Variants in FAM107A observed in about 807,000 individuals in gnomAD.
The protein encoded by FAM107A is family with sequence similarity 107 member A.
A neutral mutation model predicts 13.7 loss-of-function variants in FAM107A; 19 were observed. That is an observed-to-expected ratio of 1.38 (90% CI 0.97 to 2.03). The LOEUF (loss-of-function observed/expected upper bound fraction) is 2.03, where lower values mean the gene tolerates loss of function less well. FAM107A is among the 30% of genes most tolerant of loss of function. FAM107A has a pLI of 0.00. For missense variants in FAM107A, 203 were observed against 184.4 expected (o/e 1.10, Z -0.58); for synonymous variants, 82 against 74.5 (o/e 1.10, Z -0.52).
At chr3:58,588,128 G>A (rs1394505332), upstream of FAM107A, among the ~76,000 whole-genome samples, 9 of 152,216 alleles carry the variant, frequency 5.9e-5, no homozygotes, top group Non-Finnish European at 1.3e-4. Context: ...ACTTAGGCAG[G>A]TGAGGTGGCT....
intron 1 of FAM107A, among the ~76,000 whole-genome samples, chr3:58,598,212 T>A (rs1219446334): frequency 6.6e-6 from 1 of 152,138 alleles, no homozygotes; most frequent in East Asian, 1.9e-4. Flanking sequence ...TCCCCAGGGA[T>A]GGAGAGAATC....
upstream of FAM107A, among the ~76,000 whole-genome samples, chr3:58,579,724 C>T (rs550969770): frequency 9.9e-5 from 15 of 152,226 alleles, no homozygotes; most frequent in African/African-American, 3.4e-4. Context: ...CCTGCTCATC[C>T]CCGGAGAAGA....
intron 1 of FAM107A, among the ~76,000 whole-genome samples, chr3:58,599,917 C>G (rs907405945): frequency 6.6e-6 from 1 of 151,578 alleles, no homozygotes; most frequent in Non-Finnish European, 1.5e-5. Flanking sequence ...CTCCAGTGAT[C>G]CTCCCGCCTC....
chr3:58,609,967 T>C (rs1320320435), intron 1 of FAM107A, among the ~76,000 whole-genome samples: 1 of 152,246 alleles, frequency 6.6e-6, no homozygotes, highest in Non-Finnish European at 1.5e-5. Context: ...GCATACAGTG[T>C]GCAGGAAGTG....
At chr3:58,601,640 C>T (rs924456297) in intron 1 of FAM107A, among the ~76,000 whole-genome samples, 3 of 152,344 alleles carry the variant, frequency 2.0e-5, no homozygotes, top group South Asian at 2.1e-4. Context: ...CAAGCGCACC[C>T]ACCCAGAGGG....
chr3:58,593,929 G>A (rs768238618), intron 1 of FAM107A, among the ~76,000 whole-genome samples: 1 of 151,956 alleles, frequency 6.6e-6, no homozygotes, highest in Admixed American at 6.6e-5. Flanking sequence ...ACACTTATCC[G>A]CATCTACTTA....
chr3:58,601,819 C>T (rs2065754975), intron 1 of FAM107A, among the ~76,000 whole-genome samples: 1 of 152,146 alleles, frequency 6.6e-6, no homozygotes, highest in African/African-American at 2.4e-5. Flanking sequence ...TAATAATCAC[C>T]CCGGAATGTA....
chr3:58,577,582 C>CG, upstream of FAM107A: 1 of 985,418 alleles, frequency 1.0e-6, no homozygotes. This position sits in a 1 kb window ranked among gnomAD's most constrained non-coding sequence, Gnocchi z 4.9. Context: ...CCAAGCCACA[C>CG]GCTTGAGAGG....
upstream of FAM107A, among the ~76,000 whole-genome samples, chr3:58,581,706 A>G (rs2065544736): frequency 6.6e-6 from 1 of 152,206 alleles, no homozygotes; most frequent in Non-Finnish European, 1.5e-5. Context: ...AGAGATTATA[A>G]AAGGAATGAG....
chr3:58,616,301 C>G (rs1264109962), intron 1 of FAM107A, among the ~76,000 whole-genome samples: 22 of 152,056 alleles, frequency 1.4e-4, no homozygotes, highest in Non-Finnish European at 8.8e-5. Context: ...TGTAGAACTT[C>G]AGGTGCCCGA....
At chr3:58,621,203 G>A (rs949319824) in intron 1 of FAM107A, among the ~76,000 whole-genome samples, 2 of 152,114 alleles carry the variant, frequency 1.3e-5, no homozygotes, top group African/African-American at 2.4e-5. Context: ...AAATTTTAGC[G>A]CTTGGGAAAC....
upstream of FAM107A, among the ~76,000 whole-genome samples, chr3:58,591,553 C>T (rs1423065559): frequency 6.6e-6 from 1 of 152,188 alleles, no homozygotes; most frequent in Non-Finnish European, 1.5e-5. This position sits in a 1 kb window ranked among gnomAD's most constrained non-coding sequence, Gnocchi z 4.3. Context: ...CCCTGAAAGC[C>T]ATGGCTTCTC....
intron 1 of FAM107A, among the ~76,000 whole-genome samples, chr3:58,585,978 T>C (rs2065601682): frequency 6.6e-6 from 1 of 152,220 alleles, no homozygotes; most frequent in Non-Finnish European, 1.5e-5. Flanking sequence ...AAAGCACCTA[T>C]CATCCAACCC....
chr3:58,622,942 G>A (rs1413643670), intron 1 of FAM107A, among the ~76,000 whole-genome samples: 1 of 152,216 alleles, frequency 6.6e-6, no homozygotes, highest in African/African-American at 2.4e-5. Context: ...TTTCTCCTCA[G>A]AGAAGCCGTC....
chr3:58,576,981 C>T (rs1456584086), intron 1 of FAM107A, among the ~76,000 whole-genome samples: 1 of 152,216 alleles, frequency 6.6e-6, no homozygotes, highest in African/African-American at 2.4e-5. Context: ...AACCCCCATA[C>T]TGTGTGATAA....
intron 1 of FAM107A, among the ~76,000 whole-genome samples, chr3:58,585,662 C>T (rs2065598150): frequency 6.6e-6 from 1 of 152,198 alleles, no homozygotes; most frequent in African/African-American, 2.4e-5. Flanking sequence ...GTAGCTGGCC[C>T]GTGAGCCCAA....
At chr3:58,582,923 C>A (rs141152572) in intron 1 of FAM107A, among the ~76,000 whole-genome samples, 1 of 152,088 alleles carries the variant, frequency 6.6e-6, no homozygotes, top group Non-Finnish European at 1.5e-5. Flanking sequence ...CTCAGCCTCC[C>A]GAGTAGCTGG....
rs1470073455 is a variant in FAM107A, at chr3:58,569,588, G to T, written c.170+103C>A. 11 of 967,658 alleles carry T rather than the reference G, an allele frequency of 1.1e-5. No individual in the cohort carries two copies. The highest frequency in any genetic ancestry group is 2.5e-5 in the East Asian group (1 of 40,718). The allele number at this position is 967,658 out of a possible 1,614,324, so 59.9% of individuals were successfully genotyped here. A position where few individuals can be genotyped will look rare whatever the true frequency, so the allele number is the denominator to read the frequency against. The stretch of plus-strand genomic sequence containing the variant: ...CCTCAGCCTTCCTCAGTCTCCAGGA[G>T]CCCCAGGATGAAAGCCAGCTCTGCT... On this transcript the variant is annotated intron_variant, in intron 2 of 3. Coordinates refer to ENST00000360997, the MANE Select transcript of FAM107A (RefSeq NM_001076778.3). This position sits in a 1 kb window ranked among gnomAD's most constrained non-coding sequence, Gnocchi z 5.7.
intron 1 of FAM107A, among the ~76,000 whole-genome samples, chr3:58,611,401 G>A (rs1234773028): frequency 6.6e-6 from 1 of 152,174 alleles, no homozygotes; most frequent in Admixed American, 6.5e-5. Flanking sequence ...GGTGTCACTG[G>A]TGTGGCTTCA....
Sources: allele counts gnomAD v4.1 joint callset (sites outside exome capture counted in the v4.1 genomes callset), GRCh38; gene constraint gnomAD v4.1.1; non-coding constraint Gnocchi (gnomAD v3.1); transcripts MANE v1.5; gene names NCBI Gene and HGNC (gene_info 2026-07-23, HGNC 2026-07-21).